RBPJ: variants seen among roughly 807,000 people sequenced by gnomAD.
RBPJ encodes the protein recombination signal binding protein for immunoglobulin kappa J region.
A neutral mutation model predicts 67.8 loss-of-function variants in RBPJ; 9 were observed. That is an observed-to-expected ratio of 0.13 (90% CI 0.08 to 0.23). The LOEUF (loss-of-function observed/expected upper bound fraction) is 0.23. Ranked by LOEUF, RBPJ falls within the 10% of genes least tolerant of loss-of-function variation. The pLI, the probability that RBPJ is intolerant of heterozygous loss-of-function variation, is 1.00. For missense variants in RBPJ, 305 were observed against 595.6 expected (o/e 0.51, Z 5.08); for synonymous variants, 198 against 203.3 (o/e 0.97, Z 0.22).
rs115954568 is a variant in RBPJ at position 26,414,085 on chromosome 4, A to T, written c.156-1390A>T. Among the ~76,000 whole-genome samples, 1,186 of 152,284 alleles carry T rather than the reference A, an allele frequency of 7.8e-3. 15 individuals are homozygous for T. The highest frequency in any genetic ancestry group is 0.027 in the African/African-American group (1,116 of 41,550). On this transcript the variant is annotated intron_variant, in intron 3 of 10. Coordinates refer to ENST00000355476, the MANE Select transcript of RBPJ (RefSeq NM_015874.6). ...GTAAGCCATTTTCTGTACTAATAACAGTACAAGAAGTGAGAATGACAATGG... is the reference window on the plus strand; with the variant it reads ...GTAAGCCATTTTCTGTACTAATAACTGTACAAGAAGTGAGAATGACAATGG...
At chr4:26,301,557 A>C (rs1577404996) in intron 1 of RBPJ, among the ~76,000 whole-genome samples, 1 of 150,720 alleles carries the variant, frequency 6.6e-6, no homozygotes, top group Non-Finnish European at 1.5e-5. Flanking sequence ...GCGCCACTGC[A>C]CTCCAGCCTG....
chr4:26,236,744 C>A (rs1003727225), intron 1 of RBPJ, among the ~76,000 whole-genome samples: 1 of 152,194 alleles, frequency 6.6e-6, no homozygotes, highest in African/African-American at 2.4e-5. Context: ...TGGGACCACA[C>A]AAGGGCCCTT....
chr4:26,335,321 A>G (rs1456977990), intron 1 of RBPJ, among the ~76,000 whole-genome samples: 1 of 151,742 alleles, frequency 6.6e-6, no homozygotes, highest in African/African-American at 2.4e-5. Flanking sequence ...AGCTGGGACT[A>G]CAGGCGTGTA....
At chr4:26,362,375 C>A in intron 1 of RBPJ, 1 of 867,266 alleles carries the variant, frequency 1.2e-6, no homozygotes, top group Non-Finnish European at 1.6e-6. Context: ...GTCATGGCAG[C>A]AGTTAACACA....
At chr4:26,228,030 C>T (rs1318253045) in intron 1 of RBPJ, among the ~76,000 whole-genome samples, 1 of 152,190 alleles carries the variant, frequency 6.6e-6, no homozygotes, top group Non-Finnish European at 1.5e-5. Flanking sequence ...CTCAGGACCT[C>T]CCTGCTGCGG....
chr4:26,200,702 C>A (rs1463133239), intron 1 of RBPJ, among the ~76,000 whole-genome samples: 2 of 152,000 alleles, frequency 1.3e-5, no homozygotes, highest in African/African-American at 4.8e-5. Flanking sequence ...AGATCCAATG[C>A]CCACTGTACT....
At chr4:26,386,691 G>A (rs1240507456) in intron 2 of RBPJ, among the ~76,000 whole-genome samples, 2 of 152,134 alleles carry the variant, frequency 1.3e-5, no homozygotes, top group African/African-American at 2.4e-5. Context: ...GCTATGGTTA[G>A]CCCATCACAA....
chr4:26,245,855 T>C (rs1465731519), intron 1 of RBPJ, among the ~76,000 whole-genome samples: 3 of 152,246 alleles, frequency 2.0e-5, no homozygotes, highest in Non-Finnish European at 2.9e-5. Flanking sequence ...GGTACCCTTG[T>C]TGAAAATCAA....
chr4:26,170,049 T>C (rs1716507718), intron 1 of RBPJ, among the ~76,000 whole-genome samples: 1 of 152,088 alleles, frequency 6.6e-6, no homozygotes, highest in South Asian at 2.1e-4. Context: ...TGCCTCACCG[T>C]GCTTCGGCTG....
chr4:26,216,956 T>C (rs1244837480), intron 1 of RBPJ, among the ~76,000 whole-genome samples: 2 of 152,038 alleles, frequency 1.3e-5, no homozygotes, highest in East Asian at 3.9e-4. Context: ...CATGACCAGG[T>C]GTGTCTTTGA....
chr4:26,375,288 C>CA lies in RBPJ; in HGVS notation c.21-11044dup, dbSNP rs561305108. Among the ~76,000 whole-genome samples the CA allele has an allele frequency of 7.3e-3, 753 of 102,734 alleles. 6 individuals carry two copies. The highest frequency in any genetic ancestry group is 0.027 in the East Asian group (97 of 3,540). 67.4% of individuals were successfully genotyped at this position (102,734 alleles called of 152,430 possible). ...TGGGCGACAGAGGGAGACCCTGTCT[C>CA]AAAAAAAAAAAAAAAAAAAAAGAAT... On this transcript the variant is annotated intron_variant, in intron 1 of 10. Coordinates refer to ENST00000355476, the MANE Select transcript of RBPJ (RefSeq NM_015874.6).
intron 1 of RBPJ, among the ~76,000 whole-genome samples, chr4:26,241,202 A>G (rs1349879470): frequency 1.9e-4 from 29 of 148,846 alleles, no homozygotes; most frequent in African/African-American, 7.0e-4. Flanking sequence ...GTCTCCAAAA[A>G]TAAAAAAAAA....
intron 1 of RBPJ, among the ~76,000 whole-genome samples, chr4:26,249,811 T>TG (rs1161537217): frequency 4.9e-5 from 7 of 143,430 alleles, no homozygotes; most frequent in Middle Eastern, 3.6e-3. Context: ...TTTTTTGAGA[T>TG]GGAGTTTTGC....
At chr4:26,400,049 A>ATGTT (rs1466781576) in intron 2 of RBPJ, among the ~76,000 whole-genome samples, 1 of 152,206 alleles carries the variant, frequency 6.6e-6, no homozygotes, top group Non-Finnish European at 1.5e-5. Context: ...AATTTACCTT[A>ATGTT]TGTTTTAAAG....
chr4:26,364,604 T>A (rs1728418662), intron 1 of RBPJ, among the ~76,000 whole-genome samples: 1 of 151,462 alleles, frequency 6.6e-6, no homozygotes, highest in Admixed American at 6.6e-5. Flanking sequence ...AAGACTTTTT[T>A]TTTTTTTTCT....
chr4:26,416,119 T>C (rs975175382), intron 4 of RBPJ, among the ~76,000 whole-genome samples: 1 of 152,208 alleles, frequency 6.6e-6, no homozygotes, highest in Admixed American at 6.5e-5. Flanking sequence ...AGTGATACTG[T>C]AGACAAGAAC....
Position 26,431,213 on chromosome 4 carries a change from A to T in RBPJ, c.*206A>T, listed in dbSNP as rs1247759090. On this transcript the variant is annotated 3_prime_UTR_variant, in exon 11 of 11. Coordinates refer to ENST00000355476, the MANE Select transcript of RBPJ (RefSeq NM_015874.6). ...AAAAAAAAAAAAAAAAAAAAAAAAG[A>T]AAAAAAAATCAAAATGTATAAATAT... 9.6e-6 allele frequency: 4 copies of T among 417,268 alleles called. No individual in the cohort carries two copies. The highest frequency in any genetic ancestry group is 6.3e-5 in the African/African-American group (3 of 47,538). The allele number at this position is 417,268 out of a possible 1,614,324, so 25.8% of individuals were successfully genotyped here.
the RBPJ span, among the ~76,000 whole-genome samples, chr4:26,122,408 T>A: frequency 1.1e-4 from 17 of 152,208 alleles, no homozygotes; most frequent in African/African-American, 4.1e-4. Context: ...GGTGAGTGGT[T>A]CATATGTTTC....
intron 1 of RBPJ, among the ~76,000 whole-genome samples, chr4:26,229,527 C>G (rs574451776): frequency 6.6e-6 from 1 of 152,250 alleles, no homozygotes; most frequent in Non-Finnish European, 1.5e-5. Flanking sequence ...AAGTACCTGC[C>G]CCTTTAATTT....
Sources: allele counts gnomAD v4.1 joint callset (sites outside exome capture counted in the v4.1 genomes callset), GRCh38; gene constraint gnomAD v4.1.1; transcripts MANE v1.5; gene names NCBI Gene and HGNC (gene_info 2026-07-23, HGNC 2026-07-21).